The following SMYD3 variants were observed in gnomAD, a reference collection of about 807,000 sequenced individuals.
The protein encoded by SMYD3 is SET and MYND domain containing 3.
In SMYD3, 36 loss-of-function variants were observed where a neutral mutation model predicts 57.7. The ratio of observed to expected loss-of-function variants is 0.62; its 90% CI spans 0.48 to 0.82. SMYD3 has a LOEUF of 0.82. Ranked by LOEUF, SMYD3 falls within the 40% of genes least tolerant of loss-of-function variation. SMYD3 has a pLI of 0.00. For synonymous variants in SMYD3, 211 were observed against 195.0 expected, an observed-to-expected ratio of 1.08 and a Z score of -0.68; for missense variants, 515 against 538.8, an observed-to-expected ratio of 0.96 and a Z score of 0.44.
At chr1:246,026,538 G>GTCT (rs1184107287) in intron 5 of SMYD3, among the ~76,000 whole-genome samples, 4 of 152,118 alleles carry the variant, frequency 2.6e-5, no homozygotes, top group Non-Finnish European at 5.9e-5. Context: ...GTCACATTTT[G>GTCT]GTAATTCTCA....
chr1:245,786,240 T>C (rs1047669066), intron 10 of SMYD3, among the ~76,000 whole-genome samples: 1 of 146,558 alleles, frequency 6.8e-6, no homozygotes, highest in Non-Finnish European at 1.5e-5. Context: ...CAACAGAATA[T>C]TAAGAAGAAA....
chr1:246,248,516 C>A lies in SMYD3; in HGVS notation c.531+78685G>T, dbSNP rs569993285. Among the ~76,000 whole-genome samples, 5 of 152,156 alleles carry A rather than the reference C, an allele frequency of 3.3e-5. No individual in the cohort carries two copies. In the East Asian group the frequency reaches 9.7e-4, roughly 29 times the overall value. ...AAGTAGCTCTCTTCCCATGTCAAAG[C>A]TGCCCCTGGCCTTCCTCTTGCTCAT... is the stretch of plus-strand genomic sequence containing the variant. On this transcript the variant is annotated intron_variant, in intron 5 of 11. Transcript: ENST00000490107.
At chr1:245,957,613 A>C (rs1037824434) in intron 5 of SMYD3, among the ~76,000 whole-genome samples, 2 of 149,764 alleles carry the variant, frequency 1.3e-5, no homozygotes, top group African/African-American at 5.0e-5. Flanking sequence ...CTCGCTGCTC[A>C]GGATATATTG....
chr1:246,367,368 A>G (rs2066122903), intron 1 of SMYD3, among the ~76,000 whole-genome samples: 1 of 152,212 alleles, frequency 6.6e-6, no homozygotes, highest in African/African-American at 2.4e-5. Flanking sequence ...CAACCAATAA[A>G]TATAAACTAA....
At chr1:246,211,726 A>T (rs2063091752) in intron 5 of SMYD3, among the ~76,000 whole-genome samples, 1 of 152,144 alleles carries the variant, frequency 6.6e-6, no homozygotes, top group Admixed American at 6.5e-5. Context: ...TTTACATGAC[A>T]TCTTCCAATA....
At chr1:245,995,553 G>A (rs964116707) in intron 5 of SMYD3, among the ~76,000 whole-genome samples, 1 of 152,246 alleles carries the variant, frequency 6.6e-6, no homozygotes, top group Non-Finnish European at 1.5e-5. Context: ...TCTTCTCTTT[G>A]CATTGCCTTT....
intron 5 of SMYD3, among the ~76,000 whole-genome samples, chr1:246,246,057 T>G (rs571071236): frequency 2.5e-4 from 38 of 152,294 alleles, no homozygotes; most frequent in Middle Eastern, 3.4e-3. Context: ...TTCCAGTTTG[T>G]TCCATGTAGG....
intron 1 of SMYD3, among the ~76,000 whole-genome samples, chr1:246,486,807 AATTC>A (rs1432338903): frequency 6.6e-6 from 1 of 152,164 alleles, no homozygotes; most frequent in Admixed American, 6.5e-5. Context: ...CAAAAAAACT[AATTC>A]ACTCATCATA....
chr1:245,788,327 A>G (rs2148172569), intron 10 of SMYD3, among the ~76,000 whole-genome samples: 1 of 152,338 alleles, frequency 6.6e-6, no homozygotes, highest in Non-Finnish European at 1.5e-5. Context: ...CAGGGCACCT[A>G]TGAAGCATTG....
chr1:246,151,504 A>G (rs776613756), intron 5 of SMYD3, among the ~76,000 whole-genome samples: 4 of 152,168 alleles, frequency 2.6e-5, no homozygotes, highest in Admixed American at 1.3e-4. Context: ...TGAAATGAGG[A>G]TAACAAACCT....
At chr1:245,768,977 T>A (rs971036262) in intron 10 of SMYD3, among the ~76,000 whole-genome samples, 5 of 152,238 alleles carry the variant, frequency 3.3e-5, no homozygotes, top group African/African-American at 9.6e-5. Flanking sequence ...AATTATTTTT[T>A]AAAAACTGAT....
intron 10 of SMYD3, among the ~76,000 whole-genome samples, chr1:245,814,748 C>G (rs75089036): frequency 6.6e-6 from 1 of 152,088 alleles, no homozygotes; most frequent in African/African-American, 2.4e-5. Context: ...GAATTCCCAG[C>G]AGACCTGTTT....
At chr1:245,952,619 G>A (rs544240862) in intron 5 of SMYD3, among the ~76,000 whole-genome samples, 37 of 152,258 alleles carry the variant, frequency 2.4e-4, no homozygotes, top group African/African-American at 8.4e-4. Context: ...AACTTGAGAA[G>A]ATTGTGATAC....
rs182039667 is a variant in SMYD3, at chr1:246,205,745, A to T, written c.531+121456T>A. 2.3e-3 allele frequency among the ~76,000 whole-genome samples: 331 copies of T among 144,322 alleles called. 2 individuals carry two copies. Among genetic ancestry groups the T allele is most frequent in the African/African-American group, 9.4e-3 (325 of 34,422 alleles). 94.7% of individuals were successfully genotyped at this position (144,322 alleles called of 152,430 possible). On this transcript the variant is annotated intron_variant, in intron 5 of 11. Coordinates refer to ENST00000490107, the MANE Select transcript of SMYD3 (RefSeq NM_001167740.2). Reference sequence around the variant, plus strand: ...TGAGGCAGGAGAATCGCTTGAACCCAGGAGGCGAGGTTGCATTGAGCTGAG... The same window carrying T: ...TGAGGCAGGAGAATCGCTTGAACCCTGGAGGCGAGGTTGCATTGAGCTGAG...
intron 5 of SMYD3, among the ~76,000 whole-genome samples, chr1:246,114,853 AT>A (rs1379988163): frequency 6.6e-6 from 1 of 151,804 alleles, no homozygotes; most frequent in Admixed American, 6.6e-5. Flanking sequence ...GCTGGTCTCG[AT>A]CTCTTGACCT....
intron 7 of SMYD3, among the ~76,000 whole-genome samples, chr1:245,921,589 T>C (rs750029282): frequency 7.6e-6 from 1 of 131,860 alleles, no homozygotes; most frequent in Non-Finnish European, 1.6e-5. Flanking sequence ...CATGGAATAG[T>C]ATGCAGCCAT....
intron 1 of SMYD3, among the ~76,000 whole-genome samples, chr1:246,476,259 T>C (rs2103054069): frequency 6.6e-6 from 1 of 152,334 alleles, no homozygotes; most frequent in Non-Finnish European, 1.5e-5. Flanking sequence ...TTAAGGAAAC[T>C]GAGATGCAGA....
At chr1:246,075,921 A>G (rs1008419932) in intron 5 of SMYD3, among the ~76,000 whole-genome samples, 1 of 150,894 alleles carries the variant, frequency 6.6e-6, no homozygotes, top group African/African-American at 2.4e-5. Context: ...ATTGAAAAAG[A>G]ACACAGAGAC....
At chr1:246,167,255 T>C (rs940785840) in intron 5 of SMYD3, among the ~76,000 whole-genome samples, 1 of 152,228 alleles carries the variant, frequency 6.6e-6, no homozygotes, top group African/African-American at 2.4e-5. Flanking sequence ...AATATATGTA[T>C]GTGAAATTAA....
Sources: gnomAD v4.1 joint callset for allele counts (sites outside exome capture counted in the v4.1 genomes callset) on GRCh38, gnomAD v4.1.1 for gene constraint, MANE v1.5 for transcripts, NCBI Gene and HGNC (gene_info 2026-07-23, HGNC 2026-07-21) for gene names.